CRYBG2: variants seen among roughly 807,000 people sequenced by gnomAD.
CRYBG2 encodes beta/gamma crystallin domain-containing protein 2.
CRYBG2 carries 106 observed loss-of-function variants against 153.4 expected under a neutral mutation model. The observed-to-expected ratio is 0.69, with a 90% confidence interval of 0.59 to 0.81. The LOEUF (loss-of-function observed/expected upper bound fraction) is 0.81, where lower values mean the gene tolerates loss of function less well. CRYBG2 is among the 30% of genes least tolerant of loss of function. The pLI, the probability that CRYBG2 is intolerant of heterozygous loss-of-function variation, is 0.00. For synonymous variants in CRYBG2, 851 were observed against 877.8 expected (o/e 0.97, Z 0.54); for missense variants, 1,996 against 2,112.0 (o/e 0.95, Z 1.08).
chr1:26,339,024 T>G (rs2074095374), intron 6 of CRYBG2, among the ~76,000 whole-genome samples: 1 of 152,220 alleles, frequency 6.6e-6, no homozygotes, highest in Non-Finnish European at 1.5e-5. Context: ...CTCATGGAGC[T>G]TAGATTCTTG....
Position 26,346,058 on chromosome 1 carries a change from T to C in CRYBG2, c.600A>G (p.Pro200=). The stretch of plus-strand genomic sequence containing the variant: ...GTGGCAGGGCCTCGCCTGAGGACAC[T>C]GGCCTCACAGTCACAGAGCTGCTCA... ...RRMSSSVTVR[P]VSSGEALPRG... The change falls in exon 2 of 20, where the codon CCA becomes CCG. Residue 200 remains proline, a synonymous_variant. Coordinates refer to ENST00000308182, the MANE Select transcript of CRYBG2 (RefSeq NM_001039775.4). The surrounding 1 kb of genome is among the most constrained non-coding windows in gnomAD (Gnocchi z 4.9). 6.3e-7 allele frequency: 1 copy of C among 1,588,826 alleles called. No individual in the cohort carries two copies. The highest frequency in any genetic ancestry group is 1.1e-5 in the South Asian group (1 of 90,138).
Position 26,337,362 on chromosome 1 carries a change from T to A in CRYBG2, c.3662A>T (p.Lys1221Met). The change falls in exon 10 of 20, where the codon AAG (lysine) becomes ATG (methionine). Residue 1221 changes from lysine to methionine, a missense_variant. Lys to Met is a moderately conservative substitution (Grantham distance 95, BLOSUM62 -1). Coordinates refer to ENST00000308182, the MANE Select transcript of CRYBG2 (RefSeq NM_001039775.4). ...ATACTGGTGGCCCCGGAAGCCCTCC[T>A]TCTCGTAGCCCACCCAGCTGGGAAA... Reference protein sequence around the residue: ...VLGGCWVGYEKEGFRGHQYLL... With the variant: ...VLGGCWVGYEMEGFRGHQYLL... 6.2e-7 allele frequency: 1 copy of A among 1,613,730 alleles called. No homozygotes were observed. Among genetic ancestry groups the A allele is most frequent in the Non-Finnish European group, 8.5e-7 (1 of 1,179,832 alleles).
Position 26,343,346 on chromosome 1 carries a change from C to A in CRYBG2, c.2914-53G>T. ...TCCTGTGGGGTCACCTCTTTTCTGCCTCCCCACAACCCGCCATTCCAAGGA... is the reference window on the plus strand; with the variant it reads ...TCCTGTGGGGTCACCTCTTTTCTGCATCCCCACAACCCGCCATTCCAAGGA... On this transcript the variant is annotated intron_variant, in intron 2 of 19. Coordinates refer to ENST00000308182, the MANE Select transcript of CRYBG2 (RefSeq NM_001039775.4). The surrounding 1 kb of genome is among the most constrained non-coding windows in gnomAD (Gnocchi z 4.1). 1 of 1,534,336 alleles carries A rather than the reference C, an allele frequency of 6.5e-7. No individual in the cohort carries two copies. Among genetic ancestry groups the A allele is most frequent in the South Asian group, 1.2e-5 (1 of 83,686 alleles).
At position 26,343,193 on chromosome 1, in the gene CRYBG2, A is replaced by T; in HGVS notation, c.2962-34T>A. ...GCACAGAAGGGGTCCTCAGGCCCTG[A>T]CCCCAGGCCCCTGCATCCTGCTGCC... On this transcript the variant is annotated intron_variant, in intron 3 of 19. Coordinates refer to ENST00000308182, the MANE Select transcript of CRYBG2 (RefSeq NM_001039775.4). This position sits in a 1 kb window ranked among gnomAD's most constrained non-coding sequence, Gnocchi z 4.1. 6.5e-7 allele frequency: 1 copy of T among 1,550,104 alleles called. No individual in the cohort carries two copies. The highest frequency in any genetic ancestry group is 8.7e-7 in the Non-Finnish European group (1 of 1,146,806).
chr1:26,324,061 C>G (rs1042743685), intron 18 of CRYBG2, 91 bp downstream of exon 18: 2 of 1,418,906 alleles, frequency 1.4e-6, no homozygotes, highest in African/African-American at 2.8e-5. Flanking sequence ...GTGTGCATCC[C>G]TCTGTGTTCC....
Position 26,321,929 on chromosome 1 carries a change from A to G in CRYBG2, c.*39T>C. On this transcript the variant is annotated 3_prime_UTR_variant, in exon 20 of 20. Transcript: ENST00000308182. ...AAAACCCTATAAAAACATTCATCCCAGCAAAAGCCTCCAGGGCTGGAGGGT... is the reference window on the plus strand; with the variant it reads ...AAAACCCTATAAAAACATTCATCCCGGCAAAAGCCTCCAGGGCTGGAGGGT... The G allele has an allele frequency of 6.8e-7, 1 of 1,474,014 alleles. No homozygotes were observed. The highest frequency in any genetic ancestry group is 9.1e-7 in the Non-Finnish European group (1 of 1,101,996). 91.3% of individuals were successfully genotyped at this position (1,474,014 alleles called of 1,614,324 possible). A position where few individuals can be genotyped will look rare whatever the true frequency, so the allele number is the denominator to read the frequency against.
chr1:26,323,113 C>T (rs1002790956), intron 18 of CRYBG2, among the ~76,000 whole-genome samples: 8 of 151,836 alleles, frequency 5.3e-5, no homozygotes, highest in Admixed American at 1.3e-4. Flanking sequence ...CAGAGTCTCC[C>T]TCTGTTGCCC....
At position 26,336,036 on chromosome 1, in the gene CRYBG2, C is replaced by G. The variant is rs1396700018; in HGVS notation, c.4184+59G>C. On this transcript the variant is annotated intron_variant, in intron 14 of 19. Transcript: ENST00000308182. This position sits in a 1 kb window ranked among gnomAD's most constrained non-coding sequence, Gnocchi z 4.9. ...GAAGGAAATCATTTGAAAGACTCTC[C>G]TCCTGCAGCCCCGCCTCTGCCCCAG... is the stretch of plus-strand genomic sequence containing the variant. 7.6e-7 allele frequency: 1 copy of G among 1,320,992 alleles called. No individual in the cohort carries two copies. Among genetic ancestry groups the G allele is most frequent in the Non-Finnish European group, 1.0e-6 (1 of 984,626 alleles). The allele number at this position is 1,320,992 out of a possible 1,614,324, so 81.8% of individuals were successfully genotyped here.
Position 26,336,570 on chromosome 1 carries a change from A to C in CRYBG2, c.4038+36T>G. The C allele has an allele frequency of 6.5e-7, 1 of 1,540,718 alleles. No individual in the cohort carries two copies. The highest frequency in any genetic ancestry group is 8.8e-7 in the Non-Finnish European group (1 of 1,142,696). The stretch of plus-strand genomic sequence containing the variant: ...GCGCACCCGAACTCCAGGTCCCGCC[A>C]CCGGGGAGGCCCCGCCCCCCGCGGC... On this transcript the variant is annotated intron_variant, in intron 12 of 19. Coordinates refer to ENST00000308182, the MANE Select transcript of CRYBG2 (RefSeq NM_001039775.4). The surrounding 1 kb of genome is among the most constrained non-coding windows in gnomAD (Gnocchi z 4.9).
Position 26,336,766 on chromosome 1 carries a change from C to T in CRYBG2, c.3912-34G>A. 1.2e-5 allele frequency: 19 copies of T among 1,571,514 alleles called. No homozygotes were observed. Among genetic ancestry groups the T allele is most frequent in the Non-Finnish European group, 1.6e-5 (18 of 1,158,542 alleles). On this transcript the variant is annotated intron_variant, in intron 11 of 19. Transcript: ENST00000308182. The surrounding 1 kb of genome is among the most constrained non-coding windows in gnomAD (Gnocchi z 4.9). ...AGGGCGGGGCGCGAGTCAGCTGGGA[C>T]GGAGCCTGCACCTCTCCTGGAACCG...
chr1:26,339,097 C>T (rs2074096297), intron 6 of CRYBG2, among the ~76,000 whole-genome samples, 193 bp downstream of exon 6: 1 of 152,190 alleles, frequency 6.6e-6, no homozygotes, highest in Non-Finnish European at 1.5e-5. Flanking sequence ...CCACACTCTG[C>T]CTCTCATGGT....
At position 26,354,035 on chromosome 1, in the gene CRYBG2, C is replaced by G. The variant is rs369854476; in HGVS notation, c.-56+1G>C. Reference sequence around the variant, plus strand: ...CCTCCCATCTCCACACACAGACCGACCTCTACTCACAGTCTGCGTGGGGAC... The same window carrying G: ...CCTCCCATCTCCACACACAGACCGAGCTCTACTCACAGTCTGCGTGGGGAC... On this transcript the variant is annotated splice_donor_variant, in intron 1 of 19. Coordinates refer to ENST00000308182, the MANE Select transcript of CRYBG2 (RefSeq NM_001039775.4). LOFTEE classifies it low-confidence loss of function (5UTR_SPLICE). 7.5e-6 allele frequency: 3 copies of G among 399,564 alleles called. No individual in the cohort carries two copies. The allele number at this position is 399,564 out of a possible 1,614,324, so 24.8% of individuals were successfully genotyped here.
At chr1:26,327,466 TCAAAAAA>T (rs1347476335) in intron 17 of CRYBG2, among the ~76,000 whole-genome samples, 2 of 117,594 alleles carry the variant, frequency 1.7e-5, no homozygotes, top group Admixed American at 1.8e-4. Flanking sequence ...AGATTCCGTC[TCAAAAAA>T]CAAAAAACAA....
At chr1:26,339,174 C>T (rs1240311524) in intron 6 of CRYBG2, 116 bp downstream of exon 6, 9 of 1,351,910 alleles carry the variant, frequency 6.7e-6, no homozygotes, top group Non-Finnish European at 9.0e-6. Flanking sequence ...CTTGCCTGTC[C>T]CCACCAGTGG....
rs1279953723 is a variant in CRYBG2 at position 26,336,340 on chromosome 1, T to C, written c.4069A>G (p.Lys1357Glu). The C allele has an allele frequency of 2.5e-6, 4 of 1,613,558 alleles. No individual in the cohort carries two copies. The highest frequency in any genetic ancestry group is 3.4e-6 in the Non-Finnish European group (4 of 1,179,770). ...TCCCTGCGGAGTCCCTGCCTTACCT[T>C]TGAGACGAAGTGCAGATCGTGCTCC... Reference protein sequence around the residue: ...VGEHDLHFVSKIQLFSRPDFL... With the variant: ...VGEHDLHFVSEIQLFSRPDFL... Residue 1357 changes from lysine (K) to glutamate (E), a missense_variant and splice_region_variant, in exon 13 of 20, where the codon AAG becomes GAG. Transcript: ENST00000308182. This position sits in a 1 kb window ranked among gnomAD's most constrained non-coding sequence, Gnocchi z 4.9.
At chr1:26,332,302 G>A (rs1209414658) in intron 14 of CRYBG2, among the ~76,000 whole-genome samples, 8 of 118,568 alleles carry the variant, frequency 6.7e-5, no homozygotes, top group South Asian at 2.7e-4. Context: ...GCGAGACTCC[G>A]TGTCAAAAAA....
Position 26,344,241 on chromosome 1 carries a change from T to C in CRYBG2, c.2417A>G (p.Asp806Gly), listed in dbSNP as rs1353116072. The C allele has an allele frequency of 1.3e-6, 2 of 1,534,826 alleles. 1 individual carries two copies. The highest frequency in any genetic ancestry group is 2.4e-5 in the South Asian group (2 of 83,910). The change falls in exon 2 of 20, where the codon GAC (aspartate) becomes GGC (glycine). Residue 806 changes from aspartate (D) to glycine (G), a missense_variant. Asp to Gly is a moderately conservative substitution (Grantham distance 94). Transcript: ENST00000308182. ...MYATLPAIEE[D>G]QLGPWVLGPG... The stretch of plus-strand genomic sequence containing the variant: ...GCCCAGCACCCATGGCCCCAGCTGG[T>C]CCTCCTCAATGGCAGGCAGCGTGGC...
chr1:26,346,633 C>T lies in CRYBG2; in HGVS notation c.25G>A (p.Ala9Thr), dbSNP rs2074226214. The change falls in exon 2 of 20, where the codon GCC becomes ACC. Residue 9 changes from alanine to threonine, a missense_variant. Transcript: ENST00000308182. The surrounding 1 kb of genome is among the most constrained non-coding windows in gnomAD (Gnocchi z 4.9). ...CTTACCACTCGGGCCTTGGCCCGGGCCATGGGCCCACCTGCCTCCTCCATG... is the reference window on the plus strand; with the variant it reads ...CTTACCACTCGGGCCTTGGCCCGGGTCATGGGCCCACCTGCCTCCTCCATG... MEEAGGPM[A>T]RAKARVVSAT... 1.3e-6 allele frequency: 2 copies of T among 1,553,956 alleles called. No homozygotes were observed. Among genetic ancestry groups the T allele is most frequent in the Non-Finnish European group, 1.7e-6 (2 of 1,148,130 alleles).
At chr1:26,340,809 G>T (rs564945165) in intron 5 of CRYBG2, among the ~76,000 whole-genome samples, 2 of 151,890 alleles carry the variant, frequency 1.3e-5, no homozygotes, top group South Asian at 4.2e-4. Context: ...TAGAGACAGG[G>T]TTTCATCAGG....
Sources: gnomAD v4.1 joint callset for allele counts (sites outside exome capture counted in the v4.1 genomes callset) on GRCh38, gnomAD v4.1.1 for gene constraint, Gnocchi (gnomAD v3.1) non-coding constraint, MANE v1.5 for transcripts, NCBI Gene and HGNC (gene_info 2026-07-23, HGNC 2026-07-21) for gene names.